Variants in LRGUK observed in about 807,000 individuals in gnomAD.
The protein encoded by LRGUK is leucine-rich repeat and guanylate kinase domain-containing protein.
A neutral mutation model predicts 76.0 loss-of-function variants in LRGUK; 65 were observed. The observed-to-expected ratio is 0.85, with a 90% CI of 0.70 to 1.05. The LOEUF (loss-of-function observed/expected upper bound fraction) is 1.05. LRGUK is among the 50% of genes least tolerant of loss of function. LRGUK has a pLI of 0.00. For synonymous variants in LRGUK, 268 were observed against 265.6 expected (o/e 1.01, Z -0.09); for missense variants, 758 against 732.8 (o/e 1.03, Z -0.40).
intron 7 of LRGUK, among the ~76,000 whole-genome samples, chr7:134,170,480 G>A (rs1452428630): frequency 6.6e-6 from 1 of 151,932 alleles, no homozygotes; most frequent in Non-Finnish European, 1.5e-5. Flanking sequence ...GCACAATGAG[G>A]TGACTATAGT....
At chr7:134,261,728 C>G (rs1802733255) in intron 19 of LRGUK, among the ~76,000 whole-genome samples, 1 of 152,192 alleles carries the variant, frequency 6.6e-6, no homozygotes, top group African/African-American at 2.4e-5. Flanking sequence ...CAACCTTTCT[C>G]TAAAGGACCA....
exon 20 of LRGUK, chr7:134,263,967 C>T (rs866019775): frequency 5.3e-5 from 85 of 1,609,420 alleles, no homozygotes; most frequent in Non-Finnish European, 6.5e-5. Flanking sequence ...CCCTCAGGGC[C>T]GCAGGTAGAC....
intron 9 of LRGUK, among the ~76,000 whole-genome samples, chr7:134,177,896 T>C (rs1461752050): frequency 6.6e-6 from 1 of 152,200 alleles, no homozygotes; most frequent in Non-Finnish European, 1.5e-5. Flanking sequence ...AGTAAAGATA[T>C]GGCATATGAT....
At chr7:134,200,015 T>C (rs1448142666) in intron 14 of LRGUK, among the ~76,000 whole-genome samples, 2 of 132,836 alleles carry the variant, frequency 1.5e-5, no homozygotes, top group African/African-American at 2.8e-5. Context: ...TATATATATA[T>C]ATATATATAT....
chr7:134,147,226 C>A (rs2116864235), intron 4 of LRGUK, among the ~76,000 whole-genome samples: 1 of 152,004 alleles, frequency 6.6e-6, no homozygotes, highest in African/African-American at 2.4e-5. Context: ...ACCATCCTGG[C>A]TAACACAGTG....
At chr7:134,170,003 A>C (rs1585482984) in intron 7 of LRGUK, among the ~76,000 whole-genome samples, 1 of 152,242 alleles carries the variant, frequency 6.6e-6, no homozygotes, top group African/African-American at 2.4e-5. Context: ...AGCACATCTT[A>C]CTACACCTTT....
intron 18 of LRGUK, among the ~76,000 whole-genome samples, chr7:134,257,184 C>A (rs1405385193): frequency 6.6e-6 from 1 of 152,192 alleles, no homozygotes; most frequent in East Asian, 1.9e-4. Context: ...ATGAGAGCTG[C>A]ATTCTTTTAA....
chr7:134,205,032 T>A (rs1264362109), intron 15 of LRGUK, among the ~76,000 whole-genome samples: 1 of 152,200 alleles, frequency 6.6e-6, no homozygotes, highest in Non-Finnish European at 1.5e-5. Context: ...AGGTTTAGTG[T>A]TAACAGCGAA....
At chr7:134,180,671 A>C (rs1256476086) in intron 10 of LRGUK, among the ~76,000 whole-genome samples, 3 of 151,986 alleles carry the variant, frequency 2.0e-5, no homozygotes, top group African/African-American at 7.3e-5. Flanking sequence ...ATGATTCCTG[A>C]AAACATTAAA....
the LRGUK span, among the ~76,000 whole-genome samples, chr7:134,276,476 G>C: frequency 1.3e-5 from 2 of 152,174 alleles, no homozygotes; most frequent in Non-Finnish European, 2.9e-5. Context: ...TTCACAGAAA[G>C]GTGGGGGACA....
chr7:134,169,219 T>A (rs1021460210), intron 7 of LRGUK, among the ~76,000 whole-genome samples: 13 of 148,778 alleles, frequency 8.7e-5, no homozygotes, highest in African/African-American at 3.0e-4. Flanking sequence ...AAGACCCAGG[T>A]GAAGATGGGG....
At chr7:134,205,996 G>C (rs1245274697) in intron 15 of LRGUK, among the ~76,000 whole-genome samples, 1 of 152,098 alleles carries the variant, frequency 6.6e-6, no homozygotes, top group Non-Finnish European at 1.5e-5. Flanking sequence ...TTATAACTAA[G>C]AGTACAAGCT....
At chr7:134,142,235 T>G (rs1197898154) in intron 3 of LRGUK, among the ~76,000 whole-genome samples, 2 of 152,180 alleles carry the variant, frequency 1.3e-5, no homozygotes, top group African/African-American at 2.4e-5. Context: ...TGTTGCCATT[T>G]TTAGGCAGAG....
chr7:134,205,878 T>C (rs1800982224), intron 15 of LRGUK, among the ~76,000 whole-genome samples: 1 of 152,244 alleles, frequency 6.6e-6, no homozygotes, highest in Non-Finnish European at 1.5e-5. Flanking sequence ...ACCAACAGCA[T>C]TGTTTTTCTT....
chr7:134,211,543 CTG>C (rs1801272177), downstream of LRGUK, among the ~76,000 whole-genome samples: 1 of 152,202 alleles, frequency 6.6e-6, no homozygotes. Context: ...ATGCATGACT[CTG>C]TGATCAAATG....
At chr7:134,239,160 A>C (rs1423972028) in intron 16 of LRGUK, among the ~76,000 whole-genome samples, 1 of 152,168 alleles carries the variant, frequency 6.6e-6, no homozygotes, top group Non-Finnish European at 1.5e-5. Flanking sequence ...GACACAGAAG[A>C]TGGGTGATTT....
rs748028392 is a variant in LRGUK at position 134,143,189 on chromosome 7, A to T, written c.588+27A>T. On this transcript the variant is annotated intron_variant, in intron 4 of 15. Transcript: ENST00000645682. ...TAGACTTTATGAATACCTTAATTAC[A>T]CATTAAGGGGTTTGCAAAAGTGCAT... 3 of 1,306,570 alleles carry T rather than the reference A, an allele frequency of 2.3e-6. No homozygotes were observed. In the East Asian group the frequency reaches 6.9e-5, roughly 30 times the overall value. 80.9% of individuals were successfully genotyped at this position (1,306,570 alleles called of 1,614,324 possible). A position where few individuals can be genotyped will look rare whatever the true frequency, so the allele number is the denominator to read the frequency against.
intron 16 of LRGUK, among the ~76,000 whole-genome samples, chr7:134,241,091 CA>C (rs1802138259): frequency 6.6e-6 from 1 of 152,150 alleles, no homozygotes; most frequent in Admixed American, 6.5e-5. Flanking sequence ...CCAGCCACTG[CA>C]AAAACATGCC....
At chr7:134,162,642 C>G (rs1256839887) in intron 6 of LRGUK, among the ~76,000 whole-genome samples, 1 of 152,010 alleles carries the variant, frequency 6.6e-6, no homozygotes, top group East Asian at 1.9e-4. Context: ...GCCTGGCCAA[C>G]ATGATGAAAC....
Sources: allele counts gnomAD v4.1 joint callset (sites outside exome capture counted in the v4.1 genomes callset), GRCh38; gene constraint gnomAD v4.1.1; transcripts MANE v1.5; gene names NCBI Gene and HGNC (gene_info 2026-07-23, HGNC 2026-07-21).